Variants in AGBL1 observed in about 807,000 individuals in gnomAD.
AGBL1 encodes the protein AGBL carboxypeptidase 1.
In AGBL1, 130 loss-of-function variants were observed where a neutral mutation model predicts 118.9. The observed-to-expected ratio is 1.09, with a 90% confidence interval of 0.95 to 1.26. The LOEUF (loss-of-function observed/expected upper bound fraction) is 1.26, where lower values mean the gene tolerates loss of function less well. Ranked by LOEUF, AGBL1 falls within the 50% of genes most tolerant of loss-of-function variation. The pLI, the probability that AGBL1 is intolerant of heterozygous loss-of-function variation, is 0.00. For missense variants in AGBL1, 1,584 were observed against 1,298.1 expected (o/e 1.22, Z -3.38); for synonymous variants, 555 against 478.9 (o/e 1.16, Z -2.08).
intron 22 of AGBL1, among the ~76,000 whole-genome samples, chr15:86,897,762 A>ATTT (rs2080149520): frequency 2.3e-5 from 2 of 85,614 alleles, no homozygotes; most frequent in African/African-American, 4.7e-5. Flanking sequence ...TTCATCTTTT[A>ATTT]TCTTTTTTTT....
At chr15:87,019,021 CAAAG>C (rs1361016043) in intron 24 of AGBL1, among the ~76,000 whole-genome samples, 5 of 151,576 alleles carry the variant, frequency 3.3e-5, no homozygotes, top group African/African-American at 4.9e-5. Context: ...AAAAAAAAGA[CAAAG>C]AAGGGCATTA....
At chr15:86,821,899 G>A (rs542613525) in intron 22 of AGBL1, among the ~76,000 whole-genome samples, 2 of 152,284 alleles carry the variant, frequency 1.3e-5, no homozygotes, top group South Asian at 4.1e-4. Context: ...AACTAGGCAT[G>A]GGATTTAACC....
At chr15:86,195,771 T>A (rs1269249356) in intron 5 of AGBL1, among the ~76,000 whole-genome samples, 1 of 152,210 alleles carries the variant, frequency 6.6e-6, no homozygotes, top group African/African-American at 2.4e-5. Flanking sequence ...AAAATATAGA[T>A]ACTGGCTATG....
intron 22 of AGBL1, among the ~76,000 whole-genome samples, chr15:86,726,111 T>G (rs74025444): frequency 6.6e-6 from 1 of 152,234 alleles, no homozygotes; most frequent in Non-Finnish European, 1.5e-5. Context: ...CATTGTGCTT[T>G]GTAAATTTTA....
intron 6 of AGBL1, among the ~76,000 whole-genome samples, chr15:86,241,945 C>T (rs921474741): frequency 6.6e-6 from 1 of 152,172 alleles, no homozygotes; most frequent in Non-Finnish European, 1.5e-5. Flanking sequence ...TCCCACGTGT[C>T]ATGGGAGGGA....
chr15:86,589,437 C>T (rs748801091), intron 21 of AGBL1, among the ~76,000 whole-genome samples: 1 of 152,130 alleles, frequency 6.6e-6, no homozygotes, highest in South Asian at 2.1e-4. Flanking sequence ...AATTTGTAGA[C>T]ATTTTGTGCC....
chr15:86,890,301 A>G (rs1288491803), intron 22 of AGBL1, among the ~76,000 whole-genome samples: 6 of 152,250 alleles, frequency 3.9e-5, no homozygotes, highest in African/African-American at 1.4e-4. Flanking sequence ...CATTTGTCAG[A>G]TGGATAGATT....
At chr15:86,548,570 T>C (rs1468533288) in intron 20 of AGBL1, among the ~76,000 whole-genome samples, 2 of 151,968 alleles carry the variant, frequency 1.3e-5, no homozygotes, top group African/African-American at 4.8e-5. Flanking sequence ...TCTGTAACCT[T>C]CTTGACTGGG....
chr15:86,469,673 G>C (rs1479610486), intron 18 of AGBL1, among the ~76,000 whole-genome samples: 1 of 151,926 alleles, frequency 6.6e-6, no homozygotes, highest in Non-Finnish European at 1.5e-5. Flanking sequence ...CTAGGATGCC[G>C]GTACCAATTT....
intron 18 of AGBL1, among the ~76,000 whole-genome samples, chr15:86,406,171 C>T (rs1375231822): frequency 1.3e-5 from 2 of 152,196 alleles, no homozygotes; most frequent in African/African-American, 4.8e-5. Context: ...CTCTGGTCTT[C>T]TTAACTGGAA....
At chr15:86,753,316 G>A (rs2077882648) in intron 22 of AGBL1, among the ~76,000 whole-genome samples, 1 of 151,660 alleles carries the variant, frequency 6.6e-6, no homozygotes, top group South Asian at 2.1e-4. Context: ...GCTTCAAGGA[G>A]CTTCATTTTC....
At chr15:86,315,855 G>C (rs1003396385) in intron 17 of AGBL1, among the ~76,000 whole-genome samples, 1 of 152,118 alleles carries the variant, frequency 6.6e-6, no homozygotes, top group Non-Finnish European at 1.5e-5. Flanking sequence ...AGTGGCACTG[G>C]TCAAAGGGAA....
At chr15:86,750,043 T>G (rs2077822159) in intron 22 of AGBL1, among the ~76,000 whole-genome samples, 1 of 152,094 alleles carries the variant, frequency 6.6e-6, no homozygotes, top group Non-Finnish European at 1.5e-5. Flanking sequence ...TTAGGGAGGA[T>G]TCCCTCTTTT....
chr15:86,615,380 G>T lies in AGBL1; in HGVS notation c.2995-58893G>T, dbSNP rs941522218. 6.6e-6 allele frequency among the ~76,000 whole-genome samples: 1 copy of T among 152,204 alleles called. No homozygotes were observed. ...AGAGCTCTTCAGGAGTAGGTTTGAT[G>T]CAGGTGGTGTCCAGTGGGATCTGGG... On this transcript the variant is annotated intron_variant, in intron 21 of 22. Transcript: ENST00000614907. This position sits in a 1 kb window ranked among gnomAD's most constrained non-coding sequence, Gnocchi z 4.3.
chr15:86,977,725 T>G (rs2081189735), intron 23 of AGBL1, among the ~76,000 whole-genome samples: 1 of 152,042 alleles, frequency 6.6e-6, no homozygotes. Context: ...AGATTTCATT[T>G]TCTTGCAAAT....
chr15:87,004,429 T>C (rs1217415151), intron 24 of AGBL1, among the ~76,000 whole-genome samples: 1 of 152,200 alleles, frequency 6.6e-6, no homozygotes, highest in African/African-American at 2.4e-5. Context: ...ATTGATCCCT[T>C]TACCATTATG....
intron 5 of AGBL1, among the ~76,000 whole-genome samples, chr15:86,181,152 C>T (rs2077547181): frequency 6.6e-6 from 1 of 150,734 alleles, no homozygotes; most frequent in South Asian, 2.1e-4. Context: ...TCACACACTC[C>T]TCTTCTGGGT....
chr15:86,816,889 T>C (rs2078864888), intron 22 of AGBL1, among the ~76,000 whole-genome samples: 1 of 152,156 alleles, frequency 6.6e-6, no homozygotes, highest in African/African-American at 2.4e-5. Context: ...ACCTTCACAG[T>C]CACTGTGTAA....
At chr15:86,189,541 T>C (rs571245659) in intron 5 of AGBL1, among the ~76,000 whole-genome samples, 2 of 152,318 alleles carry the variant, frequency 1.3e-5, no homozygotes, top group East Asian at 3.9e-4. Context: ...GCTCTGCTCA[T>C]GGTAACGAGT....
Sources: allele counts gnomAD v4.1 joint callset (sites outside exome capture counted in the v4.1 genomes callset), GRCh38; gene constraint gnomAD v4.1.1; non-coding constraint Gnocchi (gnomAD v3.1); transcripts MANE v1.5; gene names NCBI Gene and HGNC (gene_info 2026-07-23, HGNC 2026-07-21).